DCBLD2: variants seen among roughly 807,000 people sequenced by gnomAD.
The protein encoded by DCBLD2 is discoidin, CUB and LCCL domain containing 2.
DCBLD2 carries 54 observed loss-of-function variants against 86.8 expected under a neutral mutation model. The ratio of observed to expected loss-of-function variants is 0.62; its 90% CI spans 0.50 to 0.78. The LOEUF (loss-of-function observed/expected upper bound fraction) is 0.78. DCBLD2 is among the 30% of genes least tolerant of loss of function. DCBLD2 has a pLI of 0.00. For missense variants in DCBLD2, 908 were observed against 954.2 expected, an observed-to-expected ratio of 0.95 and a Z score of 0.64; for synonymous variants, 354 against 341.3, an observed-to-expected ratio of 1.04 and a Z score of -0.41.
At chr3:98,890,824 T>G (rs1183824085) in intron 1 of DCBLD2, among the ~76,000 whole-genome samples, 1 of 152,084 alleles carries the variant, frequency 6.6e-6, no homozygotes, top group Non-Finnish European at 1.5e-5. Flanking sequence ...TTCCCCACTC[T>G]GTATTCTATG....
At chr3:98,830,850 T>C (rs931657325) in intron 3 of DCBLD2, among the ~76,000 whole-genome samples, 2 of 152,238 alleles carry the variant, frequency 1.3e-5, no homozygotes, top group Non-Finnish European at 2.9e-5. Context: ...TTTATGATAA[T>C]GACTCCTCCA....
Position 98,844,034 on chromosome 3 carries a change from G to GCACACACACACACACACACACA in DCBLD2, c.571+5405_571+5426dup, listed in dbSNP as rs10574415. On this transcript the variant is annotated intron_variant, in intron 3 of 15. Transcript: ENST00000326840. Reference sequence around the variant, plus strand: ...GGATCACCACTTTCCAATCATGCATGCACACACACACACACACACACACAC... The same window carrying GCACACACACACACACACACACA: ...GGATCACCACTTTCCAATCATGCATGCACACACACACACACACACACACACACACACACACACACACACACAC... Among the ~76,000 whole-genome samples the GCACACACACACACACACACACA allele has an allele frequency of 3.2e-4, 47 of 145,630 alleles. 1 individual carries two copies. The highest frequency in any genetic ancestry group is 1.6e-3 in the South Asian group (7 of 4,396).
Position 98,901,279 on chromosome 3 carries a change from G to C in DCBLD2, c.48C>G (p.Pro16=), listed in dbSNP as rs773237514. The change falls in exon 1 of 16, where the codon CCC becomes CCG. Residue 16 remains proline, a synonymous_variant. Transcript: ENST00000326840. ...VVRARRCPQC[P]QVRAAAAAPA... is the part of the protein sequence containing the mutation. ...GGGCGGCGGCCGCGGCCCGGACTTG[G>C]GGACACTGCGGGCAGCGCCTGGCTC... 2.6e-6 allele frequency: 4 copies of C among 1,528,348 alleles called. No individual in the cohort carries two copies. The Admixed American group carries it at 5.9e-5, about 23-fold the overall frequency. 94.7% of individuals were successfully genotyped at this position (1,528,348 alleles called of 1,614,324 possible).
At chr3:98,839,127 C>CT (rs1264895435) in intron 3 of DCBLD2, among the ~76,000 whole-genome samples, 38 of 20,936 alleles carry the variant, frequency 1.8e-3, no homozygotes, top group Admixed American at 0.01. Context: ...CTTTTTCTTT[C>CT]TTTCCTTCCT....
In DCBLD2 at chr3:98,901,187, A is replaced by C; in HGVS notation, c.140T>G (p.Met47Arg). 3 of 1,537,336 alleles carry C rather than the reference A, an allele frequency of 2.0e-6. No homozygotes were observed. The highest frequency in any genetic ancestry group is 1.7e-6 in the Non-Finnish European group (2 of 1,146,728). The change falls in exon 1 of 16, where the codon ATG (methionine) becomes AGG (arginine). Residue 47 changes from methionine (M) to arginine (R), a missense_variant. Physicochemically the swap from Met to Arg is moderately conservative, Grantham distance 91. Around this residue, in one of 3 missense-constraint regions of DCBLD2, gnomAD observed 294 missense variants for 256.0 expected, o/e 1.15. Coordinates refer to ENST00000326840, the MANE Select transcript of DCBLD2 (RefSeq NM_080927.4). Reference protein sequence around the residue: ...PPCSNSSSFSMPLFLLLLLVL... With the variant: ...PPCSNSSSFSRPLFLLLLLVL... ...AAGTAAGAGCAGGAGGAACAGAGGCATGGAGAAGGAGGAGGAGTTGGAGCA... is the reference window on the plus strand; with the variant it reads ...AAGTAAGAGCAGGAGGAACAGAGGCCTGGAGAAGGAGGAGGAGTTGGAGCA...
chr3:98,824,677 A>G (rs1184357137), intron 4 of DCBLD2, among the ~76,000 whole-genome samples: 1 of 152,172 alleles, frequency 6.6e-6, no homozygotes, highest in Non-Finnish European at 1.5e-5. Context: ...TTCAATATGG[A>G]GAACATAAGA....
At chr3:98,858,184 G>A (rs2107494135) in intron 2 of DCBLD2, among the ~76,000 whole-genome samples, 1 of 152,368 alleles carries the variant, frequency 6.6e-6, no homozygotes, top group East Asian at 1.9e-4. Context: ...GCACCTCACT[G>A]CCTGGGGCTG....
At position 98,819,378 on chromosome 3, in the gene DCBLD2, G is replaced by C; in HGVS notation, c.911C>G (p.Ala304Gly). 1 of 1,613,674 alleles carries C rather than the reference G, an allele frequency of 6.2e-7. No homozygotes were observed. The highest frequency in any genetic ancestry group is 1.3e-5 in the African/African-American group (1 of 74,994). Residue 304 changes from alanine (A) to glycine (G), a missense_variant, in exon 8 of 16, where the codon GCG becomes GGG. Around this residue, in one of 3 missense-constraint regions of DCBLD2, gnomAD observed 606 missense variants for 678.5 expected, o/e 0.89. Coordinates refer to ENST00000326840, the MANE Select transcript of DCBLD2 (RefSeq NM_080927.4). ...AGATGATGCTGTTATTTGAGGATCC[G>C]CGATCACACCAGACTCCATCCCCAG... Reference protein sequence around the residue: ...GTLGMESGVIADPQITASSVL... With the variant: ...GTLGMESGVIGDPQITASSVL...
intron 12 of DCBLD2, among the ~76,000 whole-genome samples, chr3:98,809,505 G>A (rs1394065126): frequency 1.3e-5 from 2 of 152,120 alleles, no homozygotes; most frequent in African/African-American, 2.4e-5. Context: ...CCTTTTCACT[G>A]CAGTGAACAG....
intron 1 of DCBLD2, among the ~76,000 whole-genome samples, chr3:98,887,711 C>T (rs1056552654): frequency 3.9e-5 from 6 of 151,912 alleles, no homozygotes; most frequent in African/African-American, 1.5e-4. Flanking sequence ...CATAATAAAA[C>T]TGAATAGAAA....
At chr3:98,877,601 T>G (rs1943394019) in intron 2 of DCBLD2, among the ~76,000 whole-genome samples, 1 of 151,930 alleles carries the variant, frequency 6.6e-6, no homozygotes, top group Non-Finnish European at 1.5e-5. Context: ...AACAGGTACA[T>G]GTATATACAT....
chr3:98,816,449 A>C (rs1942025514), intron 9 of DCBLD2, among the ~76,000 whole-genome samples: 1 of 152,184 alleles, frequency 6.6e-6, no homozygotes, highest in Non-Finnish European at 1.5e-5. Context: ...ACAAATGAAT[A>C]TGGATGTGGC....
In DCBLD2 at chr3:98,857,174, C is replaced by T. The variant is rs567254412; in HGVS notation, c.434-7576G>A. On this transcript the variant is annotated intron_variant, in intron 2 of 15. Transcript: ENST00000326840. ...GAGTGTTACAGCTCTTAAGGCGGCA[C>T]GTCTGGAGTTGTTCATTCCTCCTGG... Among the ~76,000 whole-genome samples the T allele has an allele frequency of 1.3e-4, 20 of 152,084 alleles. No homozygotes were observed. The South Asian group carries it at 3.5e-3, about 27-fold the overall frequency.
chr3:98,811,860 C>T (rs1303475296), intron 10 of DCBLD2, among the ~76,000 whole-genome samples: 2 of 152,116 alleles, frequency 1.3e-5, no homozygotes, highest in African/African-American at 2.4e-5. Flanking sequence ...TGATACAGTA[C>T]TTATTCAATT....
chr3:98,863,232 G>A (rs1943079609), intron 2 of DCBLD2, among the ~76,000 whole-genome samples: 1 of 152,182 alleles, frequency 6.6e-6, no homozygotes, highest in Non-Finnish European at 1.5e-5. Flanking sequence ...ACAATTGGAA[G>A]AACATTCCAG....
intron 1 of DCBLD2, chr3:98,895,168 T>G (rs1026217768): frequency 3.3e-5 from 5 of 152,154 alleles, no homozygotes; most frequent in African/African-American, 1.2e-4. Context: ...GTGTGAGAAA[T>G]GCTGGCATTA....
intron 1 of DCBLD2, 31 bp from the exon 2 acceptor site, chr3:98,881,798 A>G (rs1375763035): frequency 6.4e-6 from 10 of 1,571,768 alleles, no homozygotes; most frequent in Non-Finnish European, 8.7e-6. Context: ...ATGATAAATT[A>G]TTCTCACATA....
At position 98,870,735 on chromosome 3, in the gene DCBLD2, GAAAAAGAAAGA is replaced by G. The variant is rs1217377952; in HGVS notation, c.433+10794_433+10804del. Among the ~76,000 whole-genome samples, 15 of 60,210 alleles carry G rather than the reference GAAAAAGAAAGA, an allele frequency of 2.5e-4. No individual in the cohort carries two copies. In the South Asian group the frequency reaches 7.2e-3, roughly 29 times the overall value. 39.5% of individuals were successfully genotyped at this position (60,210 alleles called of 152,430 possible). ...GAAAGAAAAAGGAAAAGAAAAGAAAGAAAAAGAAAGAAAGAAAGAAAGAAAGAAAGAAAGAA... is the reference window on the plus strand; with the variant it reads ...GAAAGAAAAAGGAAAAGAAAAGAAAGAAGAAAGAAAGAAAGAAAGAAAGAA... On this transcript the variant is annotated intron_variant, in intron 2 of 15. Transcript: ENST00000326840.
intron 3 of DCBLD2, among the ~76,000 whole-genome samples, chr3:98,845,135 A>C (rs1382622557): frequency 6.6e-6 from 1 of 152,230 alleles, no homozygotes; most frequent in Non-Finnish European, 1.5e-5. Flanking sequence ...TATCTTTCAA[A>C]AATGAGGTTT....
Sources: gnomAD v4.1 joint callset for allele counts (sites outside exome capture counted in the v4.1 genomes callset) on GRCh38, gnomAD v4.1.1 for gene constraint, gnomAD v4.1.1 regional missense constraint, MANE v1.5 for transcripts, NCBI Gene and HGNC (gene_info 2026-07-23, HGNC 2026-07-21) for gene names.